The following DENND2B variants were observed in gnomAD, a reference collection of about 807,000 sequenced individuals.
DENND2B encodes DENN domain-containing protein 2B.
A neutral mutation model predicts 116.0 loss-of-function variants in DENND2B; 32 were observed. The observed-to-expected ratio is 0.28, with a 90% CI of 0.21 to 0.37. The LOEUF (loss-of-function observed/expected upper bound fraction) is 0.37. Ranked by LOEUF, DENND2B falls within the 10% of genes least tolerant of loss-of-function variation. DENND2B has a pLI of 1.00. For missense variants in DENND2B, 1,276 were observed against 1,477.7 expected (o/e 0.86, Z 2.24); for synonymous variants, 588 against 583.9 (o/e 1.01, Z -0.10).
chr11:8,896,803 A>G (rs2064107442), intron 1 of DENND2B, among the ~76,000 whole-genome samples: 1 of 152,270 alleles, frequency 6.6e-6, no homozygotes, highest in Non-Finnish European at 1.5e-5. Flanking sequence ...GGCTATGCTA[A>G]GATACGATGT....
intron 4 of DENND2B, among the ~76,000 whole-genome samples, chr11:8,820,803 G>C (rs1459698672): frequency 6.6e-6 from 1 of 152,132 alleles, no homozygotes; most frequent in Admixed American, 6.6e-5. Context: ...AACTGCACTA[G>C]ATGGACTATT....
intron 3 of DENND2B, chr11:8,726,411 C>T: frequency 1.7e-6 from 1 of 583,886 alleles, no homozygotes; most frequent in Non-Finnish European, 2.9e-6. Context: ...CTGCAATGTG[C>T]CTTATCCTGA....
intron 4 of DENND2B, among the ~76,000 whole-genome samples, chr11:8,826,545 A>G (rs943253514): frequency 7.9e-5 from 12 of 152,176 alleles, no homozygotes; most frequent in East Asian, 1.9e-4. Context: ...AAGGAACCCT[A>G]TGATGCTTCT....
At chr11:8,753,872 G>A (rs10160684) in intron 1 of DENND2B, among the ~76,000 whole-genome samples, 91,828 of 151,868 alleles carry the variant, frequency 0.6, 28,277 homozygotes, top group Non-Finnish European at 0.66. Context: ...ATAAAGTAGG[G>A]CCCCACCTCA....
intron 4 of DENND2B, among the ~76,000 whole-genome samples, chr11:8,721,147 C>T (rs2046096924): frequency 6.6e-6 from 1 of 152,130 alleles, no homozygotes; most frequent in South Asian, 2.1e-4. Context: ...AAAGGCATCA[C>T]CGAGAATTTC....
At chr11:8,741,599 A>T (rs2050217935) in intron 2 of DENND2B, among the ~76,000 whole-genome samples, 1 of 152,220 alleles carries the variant, frequency 6.6e-6, no homozygotes, top group African/African-American at 2.4e-5. Context: ...TCCAGTCAAA[A>T]TAACCCCTCC....
intron 1 of DENND2B, among the ~76,000 whole-genome samples, chr11:8,900,199 G>T (rs1455546305): frequency 1.3e-5 from 2 of 151,968 alleles, no homozygotes; most frequent in Middle Eastern, 3.4e-3. Flanking sequence ...GCCGAGGCGG[G>T]TAGATCACAA....
chr11:8,826,620 T>C (rs1473800720), intron 4 of DENND2B, among the ~76,000 whole-genome samples: 1 of 152,164 alleles, frequency 6.6e-6, no homozygotes. Flanking sequence ...CCTAGGAACA[T>C]GGAAGGCGGC....
At chr11:8,866,255 G>C (rs773006764) in intron 2 of DENND2B, among the ~76,000 whole-genome samples, 1 of 152,164 alleles carries the variant, frequency 6.6e-6, no homozygotes, top group Non-Finnish European at 1.5e-5. Context: ...CACCGCACCC[G>C]ACCTGCAGTC....
chr11:8,716,358 A>G (rs1247467081), intron 5 of DENND2B, among the ~76,000 whole-genome samples: 2 of 152,114 alleles, frequency 1.3e-5, no homozygotes, highest in Admixed American at 6.5e-5. Context: ...ACTGAATTGG[A>G]TCCCATACCC....
chr11:8,871,743 T>G (rs988815525), upstream of DENND2B, among the ~76,000 whole-genome samples: 1 of 152,162 alleles, frequency 6.6e-6, no homozygotes. Flanking sequence ...CTCCACTGGT[T>G]TGCAAAAACA....
intron 5 of DENND2B, among the ~76,000 whole-genome samples, chr11:8,717,115 T>A (rs1412926255): frequency 6.6e-6 from 1 of 152,246 alleles, no homozygotes; most frequent in Non-Finnish European, 1.5e-5. Flanking sequence ...ACCTGCCTCC[T>A]GACATCCTGG....
chr11:8,814,069 A>G (rs1350038166), upstream of DENND2B, among the ~76,000 whole-genome samples: 1 of 151,796 alleles, frequency 6.6e-6, no homozygotes, highest in African/African-American at 2.4e-5. Context: ...GACATCCTCA[A>G]CTCTCCCTTC....
At chr11:8,908,311 A>T (rs1372645929) in intron 1 of DENND2B, among the ~76,000 whole-genome samples, 1 of 152,226 alleles carries the variant, frequency 6.6e-6, no homozygotes, top group Non-Finnish European at 1.5e-5. Context: ...TAGTGCCTCA[A>T]CTGGAATGAC....
At chr11:8,775,452 C>T (rs984060250) in intron 1 of DENND2B, among the ~76,000 whole-genome samples, 1 of 152,176 alleles carries the variant, frequency 6.6e-6, no homozygotes, top group African/African-American at 2.4e-5. Context: ...GCTTCAGATT[C>T]CACTGACAGG....
chr11:8,700,490 C>T (rs1224930231), intron 14 of DENND2B, among the ~76,000 whole-genome samples: 1 of 152,232 alleles, frequency 6.6e-6, no homozygotes, highest in Non-Finnish European at 1.5e-5. Context: ...TCCTGTCCCT[C>T]TGAAGGCAAT....
chr11:8,771,378 T>G lies in DENND2B; in HGVS notation c.-25-20653A>C, dbSNP rs543877935. Among the ~76,000 whole-genome samples, 19 of 152,182 alleles carry G rather than the reference T, an allele frequency of 1.2e-4. No individual in the cohort carries two copies. In the South Asian group the frequency reaches 3.3e-3, roughly 27 times the overall value. ...GGTATACAATCTCACACTACCAGCA[T>G]GCAGGGGCTGTGAGTGTGTGTGTGT... is the stretch of plus-strand genomic sequence containing the variant. On this transcript the variant is annotated intron_variant, in intron 1 of 19. Coordinates refer to ENST00000313726, the MANE Select transcript of DENND2B (RefSeq NM_213618.2).
chr11:8,783,043 TACC>T (rs899982558), intron 1 of DENND2B, among the ~76,000 whole-genome samples: 1 of 138,620 alleles, frequency 7.2e-6, no homozygotes, highest in Non-Finnish European at 1.5e-5. Flanking sequence ...TGCCACCACT[TACC>T]TTTTTTTTTT....
chr11:8,754,945 T>C (rs572717526), intron 1 of DENND2B, among the ~76,000 whole-genome samples: 2 of 152,358 alleles, frequency 1.3e-5, no homozygotes, highest in South Asian at 4.1e-4. Flanking sequence ...AATTAGATAG[T>C]GGTAATGGTT....
Sources: gnomAD v4.1 joint callset for allele counts (sites outside exome capture counted in the v4.1 genomes callset) on GRCh38, gnomAD v4.1.1 for gene constraint, MANE v1.5 for transcripts, NCBI Gene and HGNC (gene_info 2026-07-23, HGNC 2026-07-21) for gene names.